Variants in CCSER1 observed in about 807,000 individuals in gnomAD.
CCSER1 encodes coiled-coil serine rich protein 1.
Under a neutral mutation model 82.0 loss-of-function variants are expected in CCSER1, and 41 were observed. The observed-to-expected ratio is 0.50, with a 90% CI of 0.39 to 0.65. The LOEUF is 0.65. Ranked by LOEUF, CCSER1 falls within the 30% of genes least tolerant of loss-of-function variation. The probability of loss-of-function intolerance (pLI) is 0.00; values close to 1 mark genes in which losing one functional copy is unlikely to be tolerated. For synonymous variants in CCSER1, 414 were observed against 383.9 expected (o/e 1.08, Z -0.92); for missense variants, 1,119 against 1,064.2 (o/e 1.05, Z -0.72).
At chr4:91,320,671 T>C (rs1486095409) in intron 10 of CCSER1, among the ~76,000 whole-genome samples, 2 of 152,188 alleles carry the variant, frequency 1.3e-5, no homozygotes, top group East Asian at 3.9e-4. Context: ...GCACTGTAAA[T>C]GGGTACTTTC....
intron 9 of CCSER1, among the ~76,000 whole-genome samples, chr4:90,982,094 A>G (rs1376604602): frequency 2.0e-5 from 3 of 151,852 alleles, no homozygotes; most frequent in African/African-American, 4.8e-5. Context: ...TCAGGCTGCT[A>G]TATTAAAATA....
At chr4:91,161,274 G>A (rs1364965748) in intron 10 of CCSER1, among the ~76,000 whole-genome samples, 2 of 152,152 alleles carry the variant, frequency 1.3e-5, no homozygotes, top group East Asian at 1.9e-4. Context: ...CTCTGTTTTG[G>A]TACTAGTACC....
In CCSER1 at chr4:90,811,910, T is replaced by TAC. The variant is rs67215286; in HGVS notation, c.2011-3828_2011-3827dup. On this transcript the variant is annotated intron_variant, in intron 7 of 10. Transcript: ENST00000509176. ...TGACAGAACTGATGGAATATATATA[T>TAC]ACACACACACACACACACACACACA... Among the ~76,000 whole-genome samples, 551 of 113,150 alleles carry TAC rather than the reference T, an allele frequency of 4.9e-3. 4 individuals are homozygous for TAC. Among genetic ancestry groups the TAC allele is most frequent in the African/African-American group, 0.011 (342 of 32,360 alleles). The allele number at this position is 113,150 out of a possible 152,430, so 74.2% of individuals were successfully genotyped here.
At chr4:91,517,906 G>GTT (rs1371578181) in intron 10 of CCSER1, among the ~76,000 whole-genome samples, 8,374 of 152,086 alleles carry the variant, frequency 0.055, 241 homozygotes, top group Middle Eastern at 0.078. Flanking sequence ...TTCACAGGGG[G>GTT]GGTATGATAG....
chr4:90,598,219 G>A (rs1286377787), intron 5 of CCSER1, among the ~76,000 whole-genome samples: 1 of 151,734 alleles, frequency 6.6e-6, no homozygotes, highest in Non-Finnish European at 1.5e-5. Context: ...CCTTTGTTCT[G>A]TTTTTCCTAA....
chr4:91,328,397 C>T (rs1435487640), intron 10 of CCSER1, among the ~76,000 whole-genome samples: 1 of 152,154 alleles, frequency 6.6e-6, no homozygotes, highest in Non-Finnish European at 1.5e-5. Flanking sequence ...AAGTAGTACA[C>T]ATTTTTAAAC....
At chr4:90,411,618 A>G (rs887367064) in intron 4 of CCSER1, among the ~76,000 whole-genome samples, 2 of 152,360 alleles carry the variant, frequency 1.3e-5, no homozygotes, top group East Asian at 3.9e-4. Flanking sequence ...GATGGGATGT[A>G]TCTCAAAATA....
At chr4:91,081,053 T>C (rs1722661762) in intron 9 of CCSER1, among the ~76,000 whole-genome samples, 1 of 152,180 alleles carries the variant, frequency 6.6e-6, no homozygotes, top group South Asian at 2.1e-4. Flanking sequence ...CCCTAACTCA[T>C]TTTATGAGGC....
At chr4:90,619,163 C>T (rs917916930) in intron 5 of CCSER1, among the ~76,000 whole-genome samples, 7 of 151,866 alleles carry the variant, frequency 4.6e-5, no homozygotes, top group Non-Finnish European at 7.4e-5. Context: ...TGGAACTGAA[C>T]TTCTAGCAAA....
At chr4:90,155,228 C>T (rs1231846061) in intron 1 of CCSER1, among the ~76,000 whole-genome samples, 2 of 152,030 alleles carry the variant, frequency 1.3e-5, no homozygotes, top group Non-Finnish European at 1.5e-5. Flanking sequence ...CAGGGATGAA[C>T]CCACTTGATC....
At chr4:90,202,759 A>G (rs1464000905) in intron 1 of CCSER1, among the ~76,000 whole-genome samples, 1 of 152,218 alleles carries the variant, frequency 6.6e-6, no homozygotes, top group African/African-American at 2.4e-5. Context: ...AGTCCGTCAC[A>G]TTTAGGTGAT....
At chr4:90,738,243 C>T in intron 7 of CCSER1, among the ~76,000 whole-genome samples, 1 of 152,006 alleles carries the variant, frequency 6.6e-6, no homozygotes, top group Non-Finnish European at 1.5e-5. Flanking sequence ...TTGAACCCAT[C>T]CTTCTTAGGA....
chr4:90,869,440 C>T (rs530482167), intron 8 of CCSER1, among the ~76,000 whole-genome samples: 24 of 151,966 alleles, frequency 1.6e-4, no homozygotes, highest in Non-Finnish European at 3.2e-4. Flanking sequence ...TTTCCCACCA[C>T]CATTTGTTGA....
At chr4:90,977,375 C>T (rs1010184070) in intron 9 of CCSER1, among the ~76,000 whole-genome samples, 2 of 151,052 alleles carry the variant, frequency 1.3e-5, no homozygotes, top group Admixed American at 6.6e-5. Flanking sequence ...CATATACATA[C>T]GTATATATAT....
At chr4:91,378,418 T>G (rs1026564759) in intron 10 of CCSER1, among the ~76,000 whole-genome samples, 5 of 152,218 alleles carry the variant, frequency 3.3e-5, no homozygotes, top group Non-Finnish European at 7.3e-5. Flanking sequence ...TGTCCTCTTT[T>G]ATTTCATTGA....
intron 1 of CCSER1, among the ~76,000 whole-genome samples, chr4:90,190,105 G>A (rs949174791): frequency 1.3e-5 from 2 of 152,000 alleles, no homozygotes; most frequent in Non-Finnish European, 2.9e-5. Flanking sequence ...GCTCTGAGGC[G>A]TGATAACTAC....
At chr4:91,210,806 T>A (rs1736754054) in intron 10 of CCSER1, among the ~76,000 whole-genome samples, 1 of 151,800 alleles carries the variant, frequency 6.6e-6, no homozygotes, top group Admixed American at 6.6e-5. Context: ...CTTGAAGAGG[T>A]CTGAGGATTA....
Position 90,400,076 on chromosome 4 carries a change from A to T in CCSER1, c.1550A>T (p.Asp517Val). ...NNLGSCELDE[D>V]DLMLDLEFLE... Reference sequence around the variant, plus strand: ...TTGGGATCTTGTGAACTGGATGAAGATGATCTAATGCTTGATCTTGAATTT... The same window carrying T: ...TTGGGATCTTGTGAACTGGATGAAGTTGATCTAATGCTTGATCTTGAATTT... Residue 517 changes from aspartate to valine, a missense_variant, in exon 4 of 11, where the codon GAT becomes GTT. Transcript: ENST00000509176. 1 of 1,609,198 alleles carries T rather than the reference A, an allele frequency of 6.2e-7. No homozygotes were observed. The highest frequency in any genetic ancestry group is 8.5e-7 in the Non-Finnish European group (1 of 1,176,414).
chr4:91,213,211 T>A (rs1320659580), intron 10 of CCSER1, among the ~76,000 whole-genome samples: 4 of 152,152 alleles, frequency 2.6e-5, no homozygotes, highest in African/African-American at 9.7e-5. Context: ...AATTTTTTTT[T>A]AATGTAATGT....
Sources: allele counts gnomAD v4.1 joint callset (sites outside exome capture counted in the v4.1 genomes callset), GRCh38; gene constraint gnomAD v4.1.1; transcripts MANE v1.5; gene names NCBI Gene and HGNC (gene_info 2026-07-23, HGNC 2026-07-21).